The following A2M variants were observed in gnomAD, a reference collection of about 807,000 sequenced individuals.
The protein encoded by A2M is alpha-2-macroglobulin, also known as C3 and PZP-like alpha-2-macroglobulin domain-containing protein 5.
Under a neutral mutation model 183.9 loss-of-function variants are expected in A2M, and 128 were observed. The observed-to-expected ratio is 0.70, with a 90% CI of 0.60 to 0.81. The LOEUF is 0.81. Among genes scored for constraint, A2M ranks in the 30% least tolerant of loss-of-function variants. A2M has a pLI of 0.00. For missense variants in A2M, 1,495 were observed against 1,787.6 expected (o/e 0.84, Z 2.95); for synonymous variants, 592 against 670.8 (o/e 0.88, Z 1.81).
intron 31 of A2M, among the ~76,000 whole-genome samples, chr12:9,071,445 TACTTA>T (rs1321545577): frequency 1.3e-4 from 20 of 152,206 alleles, no homozygotes; most frequent in Middle Eastern, 3.4e-3. Context: ...TATATATATA[TACTTA>T]ACTTTTAGGT....
At position 9,079,716 on chromosome 12, in the gene A2M, T is replaced by C. The variant is rs371544008; in HGVS notation, c.2954A>G (p.Tyr985Cys). 1.4e-4 allele frequency: 231 copies of C among 1,613,544 alleles called. No homozygotes were observed. The highest frequency in any genetic ancestry group is 1.6e-4 in the Middle Eastern group (1 of 6,080). The change falls in exon 24 of 36, where the codon TAT becomes TGT. Residue 985 changes from tyrosine to cysteine, a missense_variant. Physicochemically the swap from Tyr to Cys is radical, Grantham distance 194. Transcript: ENST00000318602. ...TGTTTCATTTAGATAATCCAGTACA[T>C]AGATGTTAGGAGCAAAGAGGACCAT... ...QNMVLFAPNI[Y>C]VLDYLNETQQ... is the part of the protein sequence containing the mutation.
At position 9,099,506 on chromosome 12, in the gene A2M, T is replaced by A. The variant is rs768396764; in HGVS notation, c.1576A>T (p.Ile526Phe). The stretch of plus-strand genomic sequence containing the variant: ...ATGTCTGACTTCACAGGGATTGAGA[T>A]GGAAAAATGGCCCTTCACTGGGGCA... ...KQEDMKGHFS[I>F]SIPVKSDIAP... is the part of the protein sequence containing the mutation. The change falls in exon 14 of 36, where the codon ATC (isoleucine) becomes TTC (phenylalanine). Residue 526 changes from isoleucine (I) to phenylalanine (F), a missense_variant. Coordinates refer to ENST00000318602, the MANE Select transcript of A2M (RefSeq NM_000014.6). 2 of 1,609,056 alleles carry A rather than the reference T, an allele frequency of 1.2e-6. No homozygotes were observed. The highest frequency in any genetic ancestry group is 1.3e-5 in the African/African-American group (1 of 74,780).
chr12:9,070,320 A>G lies in A2M; in HGVS notation c.4194+168T>C, dbSNP rs762330688. ...TGGGTCCTAGCACAGTGCTCTGCAC[A>G]TGGTCAGCATTCATACAAACACATG... On this transcript the variant is annotated intron_variant, in intron 32 of 35. Transcript: ENST00000318602. Among the ~76,000 whole-genome samples, 21 of 152,372 alleles carry G rather than the reference A, an allele frequency of 1.4e-4. No individual in the cohort carries two copies. The South Asian group carries it at 4.4e-3, about 32-fold the overall frequency.
At chr12:9,093,096 G>A (rs1001762537) in intron 18 of A2M, among the ~76,000 whole-genome samples, 1 of 152,198 alleles carries the variant, frequency 6.6e-6, no homozygotes, top group African/African-American at 2.4e-5. Flanking sequence ...GGGGTTGCAG[G>A]GATGGGAAGA....
At position 9,085,660 on chromosome 12, in the gene A2M, A is replaced by G. The variant is rs192898886; in HGVS notation, c.2770+3540T>C. 4.9e-4 allele frequency among the ~76,000 whole-genome samples: 74 copies of G among 152,172 alleles called. 1 individual carries two copies. The highest frequency in any genetic ancestry group is 1.8e-3 in the African/African-American group (74 of 41,560). ...AAGAAAGGAAAATAATAAAGATTAG[A>G]GCAGAAATAAATCAAATAGAGACTA... On this transcript the variant is annotated intron_variant, in intron 22 of 35. Coordinates refer to ENST00000318602, the MANE Select transcript of A2M (RefSeq NM_000014.6).
chr12:9,101,378 T>C, intron 12 of A2M, 69 bp downstream of exon 12: 1 of 1,402,626 alleles, frequency 7.1e-7, no homozygotes, highest in South Asian at 1.2e-5. Context: ...TCTAAAGAGC[T>C]TCATGATTAC....
chr12:9,105,148 T>G (rs1253185136), intron 10 of A2M, among the ~76,000 whole-genome samples: 1 of 152,188 alleles, frequency 6.6e-6, no homozygotes, highest in Non-Finnish European at 1.5e-5. Context: ...CAATTCTTTT[T>G]CAGTATAAGC....
intron 17 of A2M, among the ~76,000 whole-genome samples, chr12:9,093,882 G>A (rs905146681): frequency 3.3e-5 from 5 of 149,812 alleles, no homozygotes; most frequent in Non-Finnish European, 7.4e-5. Context: ...GACAGAGTGA[G>A]ACTTCGTCTC....
chr12:9,070,167 T>G (rs1243932231), intron 32 of A2M, among the ~76,000 whole-genome samples: 1 of 152,242 alleles, frequency 6.6e-6, no homozygotes, highest in Non-Finnish European at 1.5e-5. Flanking sequence ...TACTTATAGT[T>G]TATGCCAATC....
At position 9,077,780 on chromosome 12, in the gene A2M, G is replaced by A; in HGVS notation, c.3197C>T (p.Ala1066Val). 3 of 1,614,174 alleles carry A rather than the reference G, an allele frequency of 1.9e-6. No homozygotes were observed. Among genetic ancestry groups the A allele is most frequent in the Non-Finnish European group, 2.5e-6 (3 of 1,180,022 alleles). Reference sequence around the variant, plus strand: ...CTGCCTCTGGGAGAGCCATATGAGGGCTTGGGTAATGTGTGCTTCATCGAT... The same window carrying A: ...CTGCCTCTGGGAGAGCCATATGAGGACTTGGGTAATGTGTGCTTCATCGAT... ...IFIDEAHITQ[A>V]LIWLSQRQKD... Residue 1066 changes from alanine (A) to valine (V), a missense_variant, in exon 26 of 36, where the codon GCC (alanine) becomes GTC (valine). By Grantham distance (64) the Ala-to-Val change is moderately conservative. Coordinates refer to ENST00000318602, the MANE Select transcript of A2M (RefSeq NM_000014.6).
intron 24 of A2M, 42 bp from the exon 25 acceptor site, chr12:9,079,373 G>T: frequency 6.4e-7 from 1 of 1,559,974 alleles, no homozygotes; most frequent in Non-Finnish European, 8.8e-7. Context: ...GGATTAATGT[G>T]CATGCTGAGG....
chr12:9,090,171 T>A, intron 20 of A2M, 148 bp from the exon 21 acceptor site: 1 of 1,367,542 alleles, frequency 7.3e-7, no homozygotes, highest in Non-Finnish European at 1.0e-6. Context: ...GAGAGGTGAA[T>A]GATACTGAGA....
At chr12:9,098,579 T>C (rs1485568866) in intron 15 of A2M, 28 bp downstream of exon 15, 1 of 1,576,850 alleles carries the variant, frequency 6.3e-7, no homozygotes, top group South Asian at 1.2e-5. Context: ...ACGGCCCTTC[T>C]TGATTCCTGA....
intron 26 of A2M, 115 bp downstream of exon 26, chr12:9,077,586 C>G (rs1158683494): frequency 1.4e-5 from 22 of 1,521,066 alleles, no homozygotes; most frequent in Non-Finnish European, 1.9e-5. Flanking sequence ...TGGTGCCATC[C>G]AGGTTTTATT....
At chr12:9,068,934 G>A (rs1268386708) in intron 33 of A2M, 92 bp from the exon 34 acceptor site, 1 of 865,148 alleles carries the variant, frequency 1.2e-6, no homozygotes, top group Non-Finnish European at 1.8e-6. Context: ...TGGGGGAAAA[G>A]CTTTATTATC....
At chr12:9,109,778 T>G in intron 6 of A2M, 89 bp downstream of exon 6, 2 of 1,316,892 alleles carry the variant, frequency 1.5e-6, no homozygotes, top group East Asian at 4.7e-5. Flanking sequence ...CCATGGGAAA[T>G]GGAAAGACTC....
rs1938914020 is a variant in A2M at position 9,113,606 on chromosome 12, C to CT, written c.87-64dup. The CT allele has an allele frequency of 2.3e-5, 33 of 1,462,080 alleles. No homozygotes were observed. The South Asian group carries it at 3.9e-4, about 17-fold the overall frequency. 90.6% of individuals were successfully genotyped at this position (1,462,080 alleles called of 1,614,324 possible). A position where few individuals can be genotyped will look rare whatever the true frequency, so the allele number is the denominator to read the frequency against. On this transcript the variant is annotated intron_variant, in intron 1 of 35. Coordinates refer to ENST00000318602, the MANE Select transcript of A2M (RefSeq NM_000014.6). ...AAGAGAGGCATTGCTATCAACAGCACTTTTTTCCATCATCATAATTATCAT... is the reference window on the plus strand; with the variant it reads ...AAGAGAGGCATTGCTATCAACAGCACTTTTTTTCCATCATCATAATTATCAT...
intron 15 of A2M, among the ~76,000 whole-genome samples, chr12:9,097,632 C>CTTTTTTTTTT (rs34844537): frequency 7.9e-6 from 1 of 127,118 alleles, no homozygotes; most frequent in Non-Finnish European, 1.7e-5. Flanking sequence ...TGATGTAATT[C>CTTTTTTTTTT]TTTTTTTTTT....
chr12:9,099,549 A>G lies in A2M; in HGVS notation c.1559-26T>C, dbSNP rs765567697. On this transcript the variant is annotated intron_variant, in intron 13 of 35. Coordinates refer to ENST00000318602, the MANE Select transcript of A2M (RefSeq NM_000014.6). ...CTGGGGCACAAAGAGAATGAGAGGA[A>G]GCCATCATAGGTTAATGACTATTTC... is the stretch of plus-strand genomic sequence containing the variant. 32 of 1,595,690 alleles carry G rather than the reference A, an allele frequency of 2.0e-5. No homozygotes were observed. In the Middle Eastern group the frequency reaches 8.3e-4, roughly 41 times the overall value.
Sources: allele counts gnomAD v4.1 joint callset (sites outside exome capture counted in the v4.1 genomes callset), GRCh38; gene constraint gnomAD v4.1.1; transcripts MANE v1.5; gene names NCBI Gene and HGNC (gene_info 2026-07-23, HGNC 2026-07-21).